The following GIGYF2 variants were observed in gnomAD, a reference collection of about 807,000 sequenced individuals.
The protein encoded by GIGYF2 is GRB10-interacting GYF protein 2.
Under a neutral mutation model 208.1 loss-of-function variants are expected in GIGYF2, and 25 were observed. That is an observed-to-expected ratio of 0.12 (90% CI 0.09 to 0.17). The LOEUF (loss-of-function observed/expected upper bound fraction) is 0.17. GIGYF2 is among the 10% of genes least tolerant of loss of function. The pLI, the probability that GIGYF2 is intolerant of heterozygous loss-of-function variation, is 1.00. For missense variants in GIGYF2, 1,302 were observed against 1,579.4 expected (o/e 0.82, Z 2.98); for synonymous variants, 534 against 543.8 (o/e 0.98, Z 0.25).
intron 14 of GIGYF2, among the ~76,000 whole-genome samples, chr2:232,797,783 C>G (rs1700269406): frequency 6.6e-6 from 1 of 151,906 alleles, no homozygotes; most frequent in Non-Finnish European, 1.5e-5. Flanking sequence ...GAGTTCAAGA[C>G]CAGACTGGCC....
intron 18 of GIGYF2, 85 bp from the exon 19 acceptor site, chr2:232,815,552 A>C: frequency 3.9e-6 from 3 of 778,874 alleles, no homozygotes; most frequent in African/African-American, 1.7e-5. Flanking sequence ...GGCACAGGGA[A>C]GCAGCTTTTT....
chr2:232,730,181 C>G (rs1223280579), intron 2 of GIGYF2: 2 of 1,487,384 alleles, frequency 1.3e-6, no homozygotes, highest in Non-Finnish European at 1.9e-6. Context: ...CAGGGCTTTT[C>G]AGGTCTCTGA....
chr2:232,698,536 A>G (rs1431798430), intron 1 of GIGYF2, among the ~76,000 whole-genome samples: 2 of 152,178 alleles, frequency 1.3e-5, no homozygotes, highest in Non-Finnish European at 2.9e-5. Context: ...TGCTCCTTCT[A>G]ATATTTGTAG....
chr2:232,718,207 C>T (rs1696779749), intron 2 of GIGYF2, among the ~76,000 whole-genome samples: 1 of 152,138 alleles, frequency 6.6e-6, no homozygotes, highest in Admixed American at 6.5e-5. Flanking sequence ...AAGCTGTTCT[C>T]CTGTCTCAGC....
intron 3 of GIGYF2, among the ~76,000 whole-genome samples, chr2:232,745,379 G>A (rs1698113156): frequency 6.6e-6 from 1 of 152,088 alleles, no homozygotes; most frequent in African/African-American, 2.4e-5. Flanking sequence ...AGATAGAAAA[G>A]AAGCTGTTGA....
chr2:232,766,436 T>G (rs1698966461), intron 8 of GIGYF2: 1 of 154,734 alleles, frequency 6.5e-6, no homozygotes, highest in African/African-American at 2.4e-5. Flanking sequence ...GTAAGTGATG[T>G]AGTGCCTTTA....
chr2:232,748,992 T>G lies in GIGYF2; in HGVS notation c.177T>G (p.Pro59=). Residue 59 remains proline, a synonymous_variant, in exon 5 of 29, where the codon CCT becomes CCG. Coordinates refer to ENST00000373563, the MANE Select transcript of GIGYF2 (RefSeq NM_001103146.3). ...TCATGTGTTTGGTCCTACAGATACC[T>G]TCAGACCTTCTGGATAAAGAATTTC... is the stretch of plus-strand genomic sequence containing the variant. ...LALFLKDNKI[P]SDLLDKEFLP... is the part of the protein sequence containing the mutation. 4 of 1,537,376 alleles carry G rather than the reference T, an allele frequency of 2.6e-6. No homozygotes were observed. Among genetic ancestry groups the G allele is most frequent in the Non-Finnish European group, 3.6e-6 (4 of 1,110,030 alleles).
At chr2:232,722,172 T>TA in intron 2 of GIGYF2, among the ~76,000 whole-genome samples, 1 of 152,322 alleles carries the variant, frequency 6.6e-6, no homozygotes, top group African/African-American at 2.4e-5. Flanking sequence ...TTCCCTCTTG[T>TA]ATTAGCCCAT....
rs1228199637 is a variant in GIGYF2, at chr2:232,858,603, TTAAA to T, written c.*1748_*1751del. On this transcript the variant is annotated 3_prime_UTR_variant, in exon 29 of 29. Transcript: ENST00000373563. Reference sequence around the variant, plus strand: ...AGTGTGGAGGAAAATAAAAAAGAACTTAAATAAAATCTGATTGTATTCTATCTGA... The same window carrying T: ...AGTGTGGAGGAAAATAAAAAAGAACTTAAAATCTGATTGTATTCTATCTGA... 6.6e-6 allele frequency: 3 copies of T among 454,094 alleles called. No individual in the cohort carries two copies. Among genetic ancestry groups the T allele is most frequent in the African/African-American group, 4.0e-5 (2 of 49,724 alleles). 28.1% of individuals were successfully genotyped at this position (454,094 alleles called of 1,614,324 possible).
Position 232,779,941 on chromosome 2 carries a change from A to AT in GIGYF2, c.533-7200dup, listed in dbSNP as rs1023535208. On this transcript the variant is annotated intron_variant, in intron 8 of 28. Transcript: ENST00000373563. The stretch of plus-strand genomic sequence containing the variant: ...CTTTCACCATTTTCTTTGGTGTTAG[A>AT]TTTTTTTTTGGTGTTGATCAGATAA... Among the ~76,000 whole-genome samples the AT allele has an allele frequency of 2.4e-3, 365 of 151,638 alleles. 1 individual carries two copies. Among genetic ancestry groups the AT allele is most frequent in the African/African-American group, 8.3e-3 (344 of 41,338 alleles).
intron 21 of GIGYF2, among the ~76,000 whole-genome samples, chr2:232,826,357 AG>A (rs1423094417): frequency 6.6e-6 from 1 of 152,184 alleles, no homozygotes; most frequent in Non-Finnish European, 1.5e-5. Context: ...CATCCTCTCT[AG>A]CATCTGTTGT....
intron 2 of GIGYF2, among the ~76,000 whole-genome samples, chr2:232,722,060 C>G (rs1033063684): frequency 6.6e-6 from 1 of 152,188 alleles, no homozygotes; most frequent in Non-Finnish European, 1.5e-5. Context: ...CTTCCCTTTA[C>G]CGTGCTGACA....
intron 21 of GIGYF2, among the ~76,000 whole-genome samples, chr2:232,822,041 T>C (rs1306072574): frequency 6.6e-6 from 1 of 152,066 alleles, no homozygotes; most frequent in African/African-American, 2.4e-5. Context: ...TGTACCTTTA[T>C]AGTAACAGAA....
At chr2:232,775,417 C>T (rs1574868391) in intron 8 of GIGYF2, among the ~76,000 whole-genome samples, 2 of 152,166 alleles carry the variant, frequency 1.3e-5, no homozygotes, top group African/African-American at 2.4e-5. Context: ...ATTTCCACTT[C>T]CTACAAAGGA....
At chr2:232,710,687 G>A (rs1341355071) in intron 2 of GIGYF2, among the ~76,000 whole-genome samples, 1 of 146,390 alleles carries the variant, frequency 6.8e-6, no homozygotes, top group African/African-American at 2.6e-5. Context: ...TTGGATCTTG[G>A]TGTTCTTTTT....
intron 5 of GIGYF2, among the ~76,000 whole-genome samples, chr2:232,751,926 C>T (rs1290304422): frequency 3.3e-5 from 5 of 152,184 alleles, no homozygotes; most frequent in Admixed American, 2.0e-4. Flanking sequence ...TAGGTATGCA[C>T]TACACCTATA....
At chr2:232,777,095 T>C (rs893272266) in intron 8 of GIGYF2, among the ~76,000 whole-genome samples, 3 of 152,186 alleles carry the variant, frequency 2.0e-5, no homozygotes, top group Non-Finnish European at 2.9e-5. Context: ...ATCTTTTATT[T>C]TTTTGGTTAG....
chr2:232,729,678 A>T, intron 2 of GIGYF2: 2 of 864,198 alleles, frequency 2.3e-6, no homozygotes, highest in South Asian at 1.4e-5. Flanking sequence ...ACTAGTTTAG[A>T]TGAGCCCCAG....
At chr2:232,855,028 A>G (rs1456412439) in intron 28 of GIGYF2, among the ~76,000 whole-genome samples, 2 of 151,450 alleles carry the variant, frequency 1.3e-5, no homozygotes, top group Non-Finnish European at 2.9e-5. Flanking sequence ...AAAATTACAT[A>G]CATGTGACCA....
Sources: allele counts gnomAD v4.1 joint callset (sites outside exome capture counted in the v4.1 genomes callset), GRCh38; gene constraint gnomAD v4.1.1; transcripts MANE v1.5; gene names NCBI Gene and HGNC (gene_info 2026-07-23, HGNC 2026-07-21).